Variants in FYB2 observed in about 807,000 individuals in gnomAD.
FYB2 encodes FYN-binding protein 2.
Under a neutral mutation model 94.1 loss-of-function variants are expected in FYB2, and 103 were observed. The ratio of observed to expected loss-of-function variants is 1.09; its 90% CI spans 0.93 to 1.29. The LOEUF is 1.29. FYB2 is among the 50% of genes most tolerant of loss of function. The pLI, the probability that FYB2 is intolerant of heterozygous loss-of-function variation, is 0.00. For missense variants in FYB2, 896 were observed against 841.5 expected (o/e 1.06, Z -0.80); for synonymous variants, 293 against 287.9 (o/e 1.02, Z -0.18).
chr1:56,731,286 C>A (rs573865466), intron 15 of FYB2, among the ~76,000 whole-genome samples: 34 of 152,016 alleles, frequency 2.2e-4, no homozygotes, highest in Non-Finnish European at 4.4e-4. Flanking sequence ...TACTCAATAG[C>A]GTGGACAAGT....
chr1:56,765,144 C>G (rs1303405812), intron 5 of FYB2, among the ~76,000 whole-genome samples: 1 of 152,186 alleles, frequency 6.6e-6, no homozygotes, highest in Non-Finnish European at 1.5e-5. Context: ...CTCCAGTAGG[C>G]TTCTGCTGAT....
intron 17 of FYB2, among the ~76,000 whole-genome samples, chr1:56,722,841 C>A (rs1644511550): frequency 6.6e-6 from 1 of 152,000 alleles, no homozygotes; most frequent in Non-Finnish European, 1.5e-5. Context: ...TTTTAGGCAG[C>A]ATAGTGACTA....
rs765485883 is a variant in FYB2, at chr1:56,819,262, C to A, written c.9+20G>T. The A allele has an allele frequency of 1.2e-6, 2 of 1,614,236 alleles. No individual in the cohort carries two copies. Among genetic ancestry groups the A allele is most frequent in the Non-Finnish European group, 1.7e-6 (2 of 1,180,030 alleles). On this transcript the variant is annotated intron_variant, in intron 1 of 19. Coordinates refer to ENST00000343433, the MANE Select transcript of FYB2 (RefSeq NM_001004303.5). ...GAAAAGACACACAGAAAGCCAGCAA[C>A]AAAACTGAGACAGCCTTACCCCTTC...
Position 56,723,631 on chromosome 1 carries a change from T to C in FYB2, c.1931A>G (p.Asn644Ser). The C allele has an allele frequency of 3.2e-6, 5 of 1,572,780 alleles. No homozygotes were observed. Among genetic ancestry groups the C allele is most frequent in the Non-Finnish European group, 4.4e-6 (5 of 1,146,568 alleles). The change falls in exon 17 of 20, where the codon AAC becomes AGC. Residue 644 changes from asparagine to serine, a missense_variant. Asn to Ser is a conservative substitution (Grantham distance 46). Coordinates refer to ENST00000343433, the MANE Select transcript of FYB2 (RefSeq NM_001004303.5). ...TAGTTTTTCTTCTCTTTTCATTCTG[T>C]TCTTTTCTAAGTTTTGCTTCTTGGT... Reference protein sequence around the residue: ...FKTKKQNLEKNRMKREEKLFR... With the variant: ...FKTKKQNLEKSRMKREEKLFR...
intron 1 of FYB2, among the ~76,000 whole-genome samples, chr1:56,796,672 G>T (rs189806686): frequency 1.3e-5 from 2 of 151,950 alleles, no homozygotes; most frequent in South Asian, 2.1e-4. Context: ...TCCTAATCCC[G>T]ACCCTCTTAA....
chr1:56,736,725 G>A (rs1227953605), intron 15 of FYB2, among the ~76,000 whole-genome samples: 1 of 151,978 alleles, frequency 6.6e-6, no homozygotes, highest in African/African-American at 2.4e-5. Context: ...CATCTTTTTT[G>A]ATAAATTATA....
chr1:56,734,108 G>A (rs542763359), intron 15 of FYB2, among the ~76,000 whole-genome samples: 2 of 152,234 alleles, frequency 1.3e-5, no homozygotes, highest in East Asian at 1.9e-4. Context: ...TGTATTGGGT[G>A]CATATATATT....
At chr1:56,743,160 G>C (rs1644993294) in intron 11 of FYB2, among the ~76,000 whole-genome samples, 1 of 151,848 alleles carries the variant, frequency 6.6e-6, no homozygotes, top group African/African-American at 2.4e-5. Context: ...CTTCCTGAAG[G>C]TACTTCTCCT....
At position 56,792,060 on chromosome 1, in the gene FYB2, G is replaced by A. The variant is rs1172414946; in HGVS notation, c.753C>T (p.Ala251=). 2 of 1,576,584 alleles carry A rather than the reference G, an allele frequency of 1.3e-6. No homozygotes were observed. The highest frequency in any genetic ancestry group is 1.9e-4 in the Middle Eastern group (1 of 5,282). ...PIYECELASQ[A]PEKQPDVRHH... ...CATGGGGATCACGTTTGTTACCTGG[G>A]GCCTGACTGGCAAGCTCACACTCAT... Residue 251 remains alanine (A), a synonymous_variant, in exon 2 of 20, where the codon GCC becomes GCT. Transcript: ENST00000343433.
chr1:56,767,976 A>G (rs545552301), intron 4 of FYB2, 38 bp from the exon 5 acceptor site: 2 of 1,439,590 alleles, frequency 1.4e-6, no homozygotes, highest in African/African-American at 1.4e-5. Context: ...TAACATTTTT[A>G]AAAACATATT....
intron 15 of FYB2, chr1:56,732,035 A>C (rs368024228): frequency 8.5e-5 from 13 of 152,276 alleles, no homozygotes; most frequent in South Asian, 8.3e-4. Context: ...AGAAAGGAGG[A>C]AGTAAAATTG....
chr1:56,808,780 C>T (rs768481646), intron 1 of FYB2, among the ~76,000 whole-genome samples: 3 of 152,056 alleles, frequency 2.0e-5, no homozygotes, highest in African/African-American at 4.8e-5. Flanking sequence ...TCTAAGGTCA[C>T]GTTATATCTC....
intron 15 of FYB2, among the ~76,000 whole-genome samples, chr1:56,733,102 C>A (rs956922101): frequency 6.6e-6 from 1 of 151,680 alleles, no homozygotes; most frequent in Non-Finnish European, 1.5e-5. Flanking sequence ...TGATTAATAT[C>A]CAGAATATAC....
At chr1:56,731,521 T>C (rs1217044445) in intron 15 of FYB2, among the ~76,000 whole-genome samples, 4 of 151,956 alleles carry the variant, frequency 2.6e-5, no homozygotes, top group African/African-American at 4.8e-5. Context: ...GTTACTGTGA[T>C]AGAAAGGGAA....
At chr1:56,808,196 GAAATT>G (rs1646688362) in intron 1 of FYB2, among the ~76,000 whole-genome samples, 1 of 152,058 alleles carries the variant, frequency 6.6e-6, no homozygotes, top group Non-Finnish European at 1.5e-5. Flanking sequence ...TACAGATGAA[GAAATT>G]AAAGCTGGAG....
rs1053145426 is a variant in FYB2 at position 56,776,774 on chromosome 1, C to A, written c.954-8836G>T. ...CTGTTCTGCCACCTACAGCATTCGA[C>A]CTTGATACAGACAAACACTGCTATT... On this transcript the variant is annotated intron_variant, in intron 4 of 19. Transcript: ENST00000343433. 2.8e-4 allele frequency among the ~76,000 whole-genome samples: 42 copies of A among 152,154 alleles called. 1 individual carries two copies. Among genetic ancestry groups the A allele is most frequent in the African/African-American group, 9.9e-4 (41 of 41,438 alleles).
chr1:56,747,244 C>T (rs189838737), intron 9 of FYB2, among the ~76,000 whole-genome samples: 2 of 151,764 alleles, frequency 1.3e-5, no homozygotes, highest in Non-Finnish European at 2.9e-5. Flanking sequence ...TACCTTCTCA[C>T]TCTTTTTTAA....
In FYB2 at chr1:56,793,593, G is replaced by A. The variant is rs535523438; in HGVS notation, c.10-790C>T. 2.6e-5 allele frequency among the ~76,000 whole-genome samples: 4 copies of A among 152,204 alleles called. No individual in the cohort carries two copies. The South Asian group carries it at 6.2e-4, about 24-fold the overall frequency. On this transcript the variant is annotated intron_variant, in intron 1 of 19. Coordinates refer to ENST00000343433, the MANE Select transcript of FYB2 (RefSeq NM_001004303.5). ...ACTATGAGAGGGGTGAAGGAACGAA[G>A]GGGCATAAAGTTTGAAAAATTACCT...
At chr1:56,760,829 T>C (rs981373467) in intron 5 of FYB2, among the ~76,000 whole-genome samples, 1 of 152,068 alleles carries the variant, frequency 6.6e-6, no homozygotes, top group Non-Finnish European at 1.5e-5. Flanking sequence ...AAAGTGGAGG[T>C]TCTTTCGTGG....
Sources: gnomAD v4.1 joint callset for allele counts (sites outside exome capture counted in the v4.1 genomes callset) on GRCh38, gnomAD v4.1.1 for gene constraint, MANE v1.5 for transcripts, NCBI Gene and HGNC (gene_info 2026-07-23, HGNC 2026-07-21) for gene names.